Variants in ANKS1B observed in about 807,000 individuals in gnomAD.
ANKS1B encodes ankyrin repeat and sterile alpha motif domain containing 1B.
Under a neutral mutation model 148.3 loss-of-function variants are expected in ANKS1B, and 36 were observed. The ratio of observed to expected loss-of-function variants is 0.24; its 90% CI spans 0.19 to 0.32. The LOEUF is 0.32. ANKS1B is among the 10% of genes least tolerant of loss of function. The pLI is 1.00. For synonymous variants in ANKS1B, 542 were observed against 560.8 expected, an observed-to-expected ratio of 0.97 and a Z score of 0.47; for missense variants, 1,157 against 1,542.6, an observed-to-expected ratio of 0.75 and a Z score of 4.19.
intron 4 of ANKS1B, among the ~76,000 whole-genome samples, chr12:99,805,727 C>T (rs531643338): frequency 6.6e-6 from 1 of 152,012 alleles, no homozygotes; most frequent in African/African-American, 2.4e-5. Context: ...TATCCAAATC[C>T]TATTCTTCCT....
chr12:98,795,059 A>G lies in ANKS1B; in HGVS notation c.3342+3875T>C, dbSNP rs546093324. Reference sequence around the variant, plus strand: ...AAATTATTAGCTTATTTTTTACATAAGGCCACTTAAATGAAAAATGATTAA... The same window carrying G: ...AAATTATTAGCTTATTTTTTACATAGGGCCACTTAAATGAAAAATGATTAA... On this transcript the variant is annotated intron_variant, in intron 22 of 26. Coordinates refer to ENST00000683438, the MANE Select transcript of ANKS1B (RefSeq NM_001352186.2). 2.3e-4 allele frequency: 143 copies of G among 633,798 alleles called. 1 individual carries two copies. In the African/African-American group the frequency reaches 2.6e-3, roughly 11 times the overall value. The allele number at this position is 633,798 out of a possible 1,614,324, so 39.3% of individuals were successfully genotyped here. A position where few individuals can be genotyped will look rare whatever the true frequency, so the allele number is the denominator to read the frequency against.
intron 4 of ANKS1B, among the ~76,000 whole-genome samples, chr12:99,792,254 A>C (rs1271230485): frequency 6.6e-6 from 1 of 151,976 alleles, no homozygotes; most frequent in Non-Finnish European, 1.5e-5. Flanking sequence ...CCATAATAAA[A>C]AGTCTCCCAG....
intron 15 of ANKS1B, among the ~76,000 whole-genome samples, chr12:99,088,847 T>TG (rs2052950759): frequency 7.3e-6 from 1 of 137,328 alleles, no homozygotes; most frequent in South Asian, 2.4e-4. Flanking sequence ...TGTTTTTTTT[T>TG]TTTTTTTTTT....
In ANKS1B at chr12:99,977,670, A is replaced by ATT. The variant is rs373456879; in HGVS notation, c.134+6433_134+6434insAA. Among the ~76,000 whole-genome samples, 380 of 152,344 alleles carry ATT rather than the reference A, an allele frequency of 2.5e-3. 6 individuals are homozygous for ATT. Among genetic ancestry groups the ATT allele is most frequent in the African/African-American group, 8.9e-3 (368 of 41,576 alleles). On this transcript the variant is annotated intron_variant, in intron 1 of 26. Coordinates refer to ENST00000683438, the MANE Select transcript of ANKS1B (RefSeq NM_001352186.2). ...AAAGAAGAAAAGTAGACTCTTAAGA[A>ATT]AAGTTTCTAGATCTGTATTACACAA...
At chr12:99,860,751 A>AT (rs2089917393) in intron 1 of ANKS1B, among the ~76,000 whole-genome samples, 1 of 152,210 alleles carries the variant, frequency 6.6e-6, no homozygotes, top group African/African-American at 2.4e-5. Flanking sequence ...AAATAACAAG[A>AT]TTTTAAAACA....
chr12:99,702,494 C>G (rs1198540152), intron 8 of ANKS1B, among the ~76,000 whole-genome samples: 1 of 152,040 alleles, frequency 6.6e-6, no homozygotes, highest in Non-Finnish European at 1.5e-5. Context: ...TGTGGGTCAT[C>G]TATTTACTTT....
intron 1 of ANKS1B, among the ~76,000 whole-genome samples, chr12:99,894,360 T>G (rs2093292835): frequency 4.4e-5 from 6 of 137,488 alleles, no homozygotes; most frequent in South Asian, 2.3e-4. Context: ...AAAAAGAAAA[T>G]TAGCCAGGTG....
chr12:99,567,738 C>A (rs1170262509), intron 9 of ANKS1B, among the ~76,000 whole-genome samples: 1 of 152,134 alleles, frequency 6.6e-6, no homozygotes, highest in Non-Finnish European at 1.5e-5. Flanking sequence ...AGATAATCAT[C>A]CTGTCACAGA....
chr12:99,928,977 T>G (rs1480592512), intron 1 of ANKS1B, among the ~76,000 whole-genome samples: 1 of 152,186 alleles, frequency 6.6e-6, no homozygotes, highest in East Asian at 1.9e-4. Flanking sequence ...GAAGTATTAA[T>G]AAAAATTTCA....
At chr12:99,859,044 T>C (rs1042115004) in intron 1 of ANKS1B, among the ~76,000 whole-genome samples, 6 of 152,224 alleles carry the variant, frequency 3.9e-5, no homozygotes, top group Admixed American at 1.3e-4. Context: ...AAAAGTACTA[T>C]AATTCTCTTG....
intron 14 of ANKS1B, among the ~76,000 whole-genome samples, chr12:99,173,181 T>C (rs755951875): frequency 1.4e-4 from 22 of 152,308 alleles, no homozygotes; most frequent in East Asian, 3.9e-4. Flanking sequence ...ATTTTAACTG[T>C]TCCGAAATCT....
At chr12:99,556,490 G>A (rs540403937) in intron 9 of ANKS1B, among the ~76,000 whole-genome samples, 1 of 152,034 alleles carries the variant, frequency 6.6e-6, no homozygotes, top group African/African-American at 2.4e-5. Flanking sequence ...GCTAACATTG[G>A]AATTAGTTTG....
intron 20 of ANKS1B, 64 bp downstream of exon 20, chr12:98,807,780 A>G: frequency 7.1e-7 from 1 of 1,403,202 alleles, no homozygotes; most frequent in Middle Eastern, 1.8e-4. Context: ...AGCTGTTGAC[A>G]ACACTGTGCA....
At chr12:99,210,737 C>G (rs574645402) in intron 14 of ANKS1B, among the ~76,000 whole-genome samples, 1 of 152,290 alleles carries the variant, frequency 6.6e-6, no homozygotes, top group South Asian at 2.1e-4. Context: ...TTTTCTGGCT[C>G]ATTCTTTGTT....
intron 19 of ANKS1B, among the ~76,000 whole-genome samples, chr12:98,808,920 A>G (rs1037935537): frequency 1.7e-4 from 26 of 152,234 alleles, no homozygotes; most frequent in Admixed American, 1.7e-3. Flanking sequence ...GCAAGCACAT[A>G]ACCATAATAT....
intron 1 of ANKS1B, among the ~76,000 whole-genome samples, chr12:99,949,176 C>T (rs1448236666): frequency 6.6e-6 from 1 of 152,178 alleles, no homozygotes; most frequent in Admixed American, 6.5e-5. Context: ...AAGACTGACT[C>T]CAAACTCAGT....
intron 17 of ANKS1B, among the ~76,000 whole-genome samples, chr12:98,961,124 C>A (rs1474339455): frequency 1.3e-5 from 2 of 152,114 alleles, no homozygotes; most frequent in African/African-American, 2.4e-5. Flanking sequence ...GAGAACTTAA[C>A]AAACCTAGAG....
intron 12 of ANKS1B, among the ~76,000 whole-genome samples, chr12:99,339,243 A>T (rs1405914127): frequency 2.6e-5 from 4 of 152,150 alleles, no homozygotes; most frequent in Non-Finnish European, 5.9e-5. Flanking sequence ...GGGATGCTCT[A>T]AGTGCTCCCT....
chr12:99,740,646 C>T (rs1180228857), intron 8 of ANKS1B, among the ~76,000 whole-genome samples: 1 of 152,180 alleles, frequency 6.6e-6, no homozygotes, highest in East Asian at 1.9e-4. Flanking sequence ...CTGCAGCTCC[C>T]AGTGAGATCA....
Sources: allele counts gnomAD v4.1 joint callset (sites outside exome capture counted in the v4.1 genomes callset), GRCh38; gene constraint gnomAD v4.1.1; transcripts MANE v1.5; gene names NCBI Gene and HGNC (gene_info 2026-07-23, HGNC 2026-07-21).